PARN: variants seen among roughly 807,000 people sequenced by gnomAD.
The protein encoded by PARN is poly(A)-specific ribonuclease, also known as poly(A)-specific ribonuclease PARN.
Under a neutral mutation model 102.8 loss-of-function variants are expected in PARN, and 71 were observed. The ratio of observed to expected loss-of-function variants is 0.69; its 90% CI spans 0.57 to 0.84. The LOEUF (loss-of-function observed/expected upper bound fraction) is 0.84. Among genes scored for constraint, PARN ranks in the 40% least tolerant of loss-of-function variants. The pLI, the probability that PARN is intolerant of heterozygous loss-of-function variation, is 0.00. For synonymous variants in PARN, 261 were observed against 252.9 expected (o/e 1.03, Z -0.30); for missense variants, 782 against 760.9 (o/e 1.03, Z -0.33).
At chr16:14,534,993 C>T (rs964292144) in intron 21 of PARN, among the ~76,000 whole-genome samples, 1 of 152,090 alleles carries the variant, frequency 6.6e-6, no homozygotes, top group Non-Finnish European at 1.5e-5. Context: ...TGCCACCATG[C>T]CCGGCTAATT....
At chr16:14,470,666 C>T (rs1278734838) in intron 22 of PARN, among the ~76,000 whole-genome samples, 1 of 151,824 alleles carries the variant, frequency 6.6e-6, no homozygotes, top group African/African-American at 2.4e-5. Context: ...GCCATGTTGT[C>T]CAGGCTGCTC....
intron 13 of PARN, among the ~76,000 whole-genome samples, chr16:14,591,550 T>C (rs925823509): frequency 6.6e-6 from 1 of 152,202 alleles, no homozygotes; most frequent in Non-Finnish European, 1.5e-5. Context: ...ATTTCGGGGC[T>C]ACAGTGGCAG....
intron 23 of PARN, among the ~76,000 whole-genome samples, chr16:14,438,532 A>C (rs750780623): frequency 6.6e-6 from 1 of 151,812 alleles, no homozygotes; most frequent in Non-Finnish European, 1.5e-5. Context: ...GAATAAGCAA[A>C]AAGTTCTGGA....
chr16:14,524,670 A>G (rs989179249), intron 21 of PARN, among the ~76,000 whole-genome samples: 1 of 152,236 alleles, frequency 6.6e-6, no homozygotes, highest in African/African-American at 2.4e-5. Flanking sequence ...TTTCCCAAAC[A>G]TTATTCAATT....
intron 5 of PARN, among the ~76,000 whole-genome samples, chr16:14,625,701 A>G (rs887139643): frequency 6.6e-6 from 1 of 152,106 alleles, no homozygotes; most frequent in Non-Finnish European, 1.5e-5. Flanking sequence ...TCTCGATTTC[A>G]TTTGTTTATA....
intron 21 of PARN, among the ~76,000 whole-genome samples, chr16:14,494,747 A>C (rs894485966): frequency 1.7e-4 from 26 of 152,222 alleles, no homozygotes; most frequent in African/African-American, 6.3e-4. Context: ...GGAGATCAGC[A>C]GGACGCCAGG....
chr16:14,502,184 G>A lies in PARN; in HGVS notation c.1481-19357C>T, dbSNP rs192162377. The stretch of plus-strand genomic sequence containing the variant: ...GGCTTCAGGGAAAGCATCTAAGACT[G>A]GAGTCACAACAGAGTATTCACGCAT... On this transcript the variant is annotated intron_variant, in intron 21 of 23. Coordinates refer to ENST00000437198, the MANE Select transcript of PARN (RefSeq NM_002582.4). Among the ~76,000 whole-genome samples, 19 of 152,314 alleles carry A rather than the reference G, an allele frequency of 1.2e-4. No homozygotes were observed. In the East Asian group the frequency reaches 2.9e-3, roughly 23 times the overall value.
intron 21 of PARN, among the ~76,000 whole-genome samples, chr16:14,505,522 C>T (rs185218094): frequency 6.8e-4 from 103 of 152,008 alleles, no homozygotes; most frequent in African/African-American, 2.4e-3. Flanking sequence ...CAAAACTGTA[C>T]AACAAATTGG....
intron 23 of PARN, among the ~76,000 whole-genome samples, chr16:14,446,290 G>T (rs567052670): frequency 6.6e-6 from 1 of 152,160 alleles, no homozygotes; most frequent in African/African-American, 2.4e-5. Context: ...GCATGGCCCC[G>T]CACACTTAGC....
At chr16:14,451,857 A>AAAAAAAAAAAG in intron 22 of PARN, among the ~76,000 whole-genome samples, 1 of 84,826 alleles carries the variant, frequency 1.2e-5, no homozygotes, top group African/African-American at 5.5e-5. Context: ...AAAAAAAAAA[A>AAAAAAAAAAAG]AAAAAAAAAT....
chr16:14,464,766 A>C (rs1192206357), intron 22 of PARN, among the ~76,000 whole-genome samples: 1 of 151,984 alleles, frequency 6.6e-6, no homozygotes, highest in Non-Finnish European at 1.5e-5. Context: ...GAAAAATAAA[A>C]GTAAAAAAAA....
intron 21 of PARN, among the ~76,000 whole-genome samples, chr16:14,491,960 A>T (rs578062400): frequency 1.3e-5 from 2 of 152,300 alleles, no homozygotes; most frequent in South Asian, 4.1e-4. Context: ...CCTGGACTGG[A>T]AACTGGAGGC....
intron 20 of PARN, among the ~76,000 whole-genome samples, chr16:14,552,326 C>T (rs141474020): frequency 1.3e-5 from 2 of 152,246 alleles, no homozygotes; most frequent in African/African-American, 4.8e-5. Flanking sequence ...GGGGAAAAGA[C>T]GCTATTAGAA....
At chr16:14,438,139 T>C (rs1273918550) in intron 23 of PARN, among the ~76,000 whole-genome samples, 1 of 152,094 alleles carries the variant, frequency 6.6e-6, no homozygotes, top group Non-Finnish European at 1.5e-5. Flanking sequence ...TGGGGTCCAG[T>C]GAAGTACTGC....
chr16:14,489,369 T>C (rs1461871458), intron 21 of PARN, among the ~76,000 whole-genome samples: 3 of 146,178 alleles, frequency 2.1e-5, no homozygotes, highest in Non-Finnish European at 1.5e-5. Flanking sequence ...CGCTTGAACA[T>C]GTGAGGCAGA....
At chr16:14,491,924 T>C (rs1438065846) in intron 21 of PARN, among the ~76,000 whole-genome samples, 3 of 152,262 alleles carry the variant, frequency 2.0e-5, no homozygotes, top group Non-Finnish European at 2.9e-5. Flanking sequence ...AAATCCCATG[T>C]TGAAGCCTGG....
chr16:14,612,161 G>A (rs899100364), intron 6 of PARN, among the ~76,000 whole-genome samples: 2 of 152,116 alleles, frequency 1.3e-5, no homozygotes, highest in African/African-American at 2.4e-5. Flanking sequence ...CCTTGCGGCC[G>A]GGCATGGTGG....
chr16:14,621,909 G>A (rs1007646494), intron 5 of PARN, among the ~76,000 whole-genome samples: 2 of 151,800 alleles, frequency 1.3e-5, no homozygotes, highest in Admixed American at 1.3e-4. Context: ...TTGAAGAGAT[G>A]AGGCTGGGAG....
chr16:14,617,313 G>C (rs1337803652), intron 6 of PARN, among the ~76,000 whole-genome samples: 1 of 148,058 alleles, frequency 6.8e-6, no homozygotes, highest in Non-Finnish European at 1.5e-5. Flanking sequence ...GAAACTGGGA[G>C]GCAGAGCTTG....
Sources: allele counts gnomAD v4.1 joint callset (sites outside exome capture counted in the v4.1 genomes callset), GRCh38; gene constraint gnomAD v4.1.1; transcripts MANE v1.5; gene names NCBI Gene and HGNC (gene_info 2026-07-23, HGNC 2026-07-21).